PIK3C2A: variants seen among roughly 807,000 people sequenced by gnomAD.
PIK3C2A encodes phosphatidylinositol 4-phosphate 3-kinase C2 domain-containing subunit alpha.
In PIK3C2A, 97 loss-of-function variants were observed where a neutral mutation model predicts 204.5. The observed-to-expected ratio is 0.47, with a 90% CI of 0.40 to 0.56. PIK3C2A has a LOEUF of 0.56. Among genes scored for constraint, PIK3C2A ranks in the 20% least tolerant of loss-of-function variants. The pLI is 0.00. For synonymous variants in PIK3C2A, 653 were observed against 664.4 expected (o/e 0.98, Z 0.26); for missense variants, 1,735 against 1,969.2 (o/e 0.88, Z 2.25).
chr11:17,126,762 C>T (rs182262423), intron 13 of PIK3C2A, among the ~76,000 whole-genome samples: 2 of 152,318 alleles, frequency 1.3e-5, no homozygotes, highest in African/African-American at 4.8e-5. Context: ...ACTATTTTAA[C>T]AGCAGAGTGT....
chr11:17,088,398 G>C lies in PIK3C2A; in HGVS notation c.*1340C>G, dbSNP rs942699801. ...CAAGTAGCTGGGATTACAGATGCCC[G>C]CTACCACGCCTGGCTAATTTTTGTG... On this transcript the variant is annotated 3_prime_UTR_variant, in exon 33 of 33. Transcript: ENST00000691414. The C allele has an allele frequency of 6.6e-6, 1 of 152,132 alleles. No homozygotes were observed. Among genetic ancestry groups the C allele is most frequent in the East Asian group, 1.9e-4 (1 of 5,188 alleles). 9.4% of individuals were successfully genotyped at this position (152,132 alleles called of 1,614,324 possible).
chr11:17,184,749 T>C (rs1851695886), intron 1 of PIK3C2A, among the ~76,000 whole-genome samples: 1 of 151,938 alleles, frequency 6.6e-6, no homozygotes, highest in South Asian at 2.1e-4. Flanking sequence ...GCCTGGGCAA[T>C]GTAGCGAGAT....
At chr11:17,120,703 T>A (rs117274326) in intron 15 of PIK3C2A, among the ~76,000 whole-genome samples, 2,390 of 152,254 alleles carry the variant, frequency 0.016, 35 homozygotes, top group Non-Finnish European at 0.023. Context: ...AGATCCTCTT[T>A]TTTCCTTTAT....
chr11:17,112,638 A>G lies in PIK3C2A; in HGVS notation c.3350T>C (p.Val1117Ala). 6.5e-7 allele frequency: 1 copy of G among 1,544,996 alleles called. No homozygotes were observed. Among genetic ancestry groups the G allele is most frequent in the Non-Finnish European group, 8.8e-7 (1 of 1,139,636 alleles). Residue 1117 changes from valine (V) to alanine (A), a missense_variant, in exon 21 of 33, where the codon GTC (valine) becomes GCC (alanine). By Grantham distance (64) the Val-to-Ala change is moderately conservative (BLOSUM62 0). Transcript: ENST00000691414. ...ATTCACCATTGTGACTTTTAGGGGG[A>G]CAGCATTAGAACTGAAGAAGGAACA... The part of the protein sequence containing the change: ...KSCSFFSSNA[V>A]PLKVTMVNAD...
chr11:17,118,275 G>A (rs916311576), intron 18 of PIK3C2A, among the ~76,000 whole-genome samples: 5 of 151,780 alleles, frequency 3.3e-5, no homozygotes, highest in Non-Finnish European at 7.4e-5. Context: ...GTTTCACCAT[G>A]ATTGTTAGGC....
At chr11:17,176,516 C>T (rs1211851560) in intron 1 of PIK3C2A, among the ~76,000 whole-genome samples, 2 of 151,856 alleles carry the variant, frequency 1.3e-5, no homozygotes, top group Non-Finnish European at 2.9e-5. Flanking sequence ...TATGGCAGCT[C>T]AGGCCTATGA....
At chr11:17,116,360 A>G (rs1365807937) in intron 19 of PIK3C2A, among the ~76,000 whole-genome samples, 1 of 152,190 alleles carries the variant, frequency 6.6e-6, no homozygotes, top group East Asian at 1.9e-4. Flanking sequence ...CACACCCACT[A>G]GAATGGCCAT....
chr11:17,129,252 T>G, intron 13 of PIK3C2A, 48 bp downstream of exon 13: 1 of 1,455,574 alleles, frequency 6.9e-7, no homozygotes, highest in Non-Finnish European at 9.6e-7. Context: ...AATTCTGATG[T>G]GCAGATGTGT....
intron 5 of PIK3C2A, 69 bp from the exon 6 acceptor site, chr11:17,147,697 A>C: frequency 1.3e-6 from 1 of 763,306 alleles, no homozygotes; most frequent in Non-Finnish European, 2.2e-6. Context: ...GGTAAAATTT[A>C]AATTGCACCT....
chr11:17,130,825 AAAAAGAAAAAACACTATTTAAAAAAT>A (rs1849669215), intron 12 of PIK3C2A, among the ~76,000 whole-genome samples: 1 of 151,900 alleles, frequency 6.6e-6, no homozygotes, highest in African/African-American at 2.4e-5. Context: ...AAAAAAAAGA[AAAAAGAAAAAACACTATTTAAAAAAT>A]ATGAATAGTA....
chr11:17,156,537 C>A (rs1850599091), intron 2 of PIK3C2A, among the ~76,000 whole-genome samples: 1 of 152,046 alleles, frequency 6.6e-6, no homozygotes, highest in Admixed American at 6.6e-5. Flanking sequence ...CATGGGCCAC[C>A]CCACCTGGCT....
intron 1 of PIK3C2A, among the ~76,000 whole-genome samples, chr11:17,202,717 A>G (rs775404013): frequency 2.0e-5 from 3 of 152,250 alleles, no homozygotes; most frequent in Admixed American, 6.5e-5. Context: ...CCTCACAGGT[A>G]ATAAGGTCTT....
chr11:17,090,498 AATC>A (rs1206306431), intron 32 of PIK3C2A, among the ~76,000 whole-genome samples: 1 of 152,076 alleles, frequency 6.6e-6, no homozygotes, highest in African/African-American at 2.4e-5. Context: ...TAATAATAAT[AATC>A]ATCTAAGAGG....
intron 8 of PIK3C2A, among the ~76,000 whole-genome samples, chr11:17,138,485 C>T (rs979714355): frequency 3.9e-5 from 6 of 152,282 alleles, no homozygotes; most frequent in African/African-American, 1.4e-4. Flanking sequence ...GAGAGCCATA[C>T]TCTCTTCAAA....
At chr11:17,095,683 G>A (rs1464203963) in intron 27 of PIK3C2A, among the ~76,000 whole-genome samples, 2 of 151,894 alleles carry the variant, frequency 1.3e-5, no homozygotes, top group Non-Finnish European at 2.9e-5. Flanking sequence ...GCCGAAATGA[G>A]TGGATTACTT....
chr11:17,095,594 A>G (rs1257542721), intron 27 of PIK3C2A, among the ~76,000 whole-genome samples: 1 of 148,268 alleles, frequency 6.7e-6, no homozygotes, highest in Non-Finnish European at 1.5e-5. Context: ...CCGTCTCAAA[A>G]AAATAAAAAA....
chr11:17,178,225 A>G lies in PIK3C2A; in HGVS notation c.-65-8419T>C, dbSNP rs149667892. 7.2e-5 allele frequency among the ~76,000 whole-genome samples: 11 copies of G among 152,296 alleles called. No individual in the cohort carries two copies. The East Asian group carries it at 1.9e-3, about 27-fold the overall frequency. On this transcript the variant is annotated intron_variant, in intron 1 of 32. Transcript: ENST00000691414. ...TGTCATTTTAACAGGTAATATAAAA[A>G]TATGAAATATTTTATGATTTTAAAA...
intron 28 of PIK3C2A, among the ~76,000 whole-genome samples, chr11:17,093,344 G>C (rs868180546): frequency 6.6e-6 from 1 of 152,316 alleles, no homozygotes; most frequent in South Asian, 2.1e-4. Flanking sequence ...TCAGCTCACT[G>C]CAAGCTCCAC....
chr11:17,122,040 A>C, intron 15 of PIK3C2A, 148 bp downstream of exon 15: 1 of 498,880 alleles, frequency 2.0e-6, no homozygotes, highest in Non-Finnish European at 3.5e-6. Context: ...AAAAAAAAAA[A>C]AAGGAAAAAA....
Sources: allele counts gnomAD v4.1 joint callset (sites outside exome capture counted in the v4.1 genomes callset), GRCh38; gene constraint gnomAD v4.1.1; transcripts MANE v1.5; gene names NCBI Gene and HGNC (gene_info 2026-07-23, HGNC 2026-07-21).